The following CD300LB variants were observed in gnomAD, a reference collection of about 807,000 sequenced individuals.
CD300LB encodes CMRF35-like molecule 7.
CD300LB carries 18 observed loss-of-function variants against 20.8 expected under a neutral mutation model. The ratio of observed to expected loss-of-function variants is 0.87; its 90% CI spans 0.60 to 1.28. The LOEUF (loss-of-function observed/expected upper bound fraction) is 1.28. Among genes scored for constraint, CD300LB ranks in the 50% most tolerant of loss-of-function variants. The probability of loss-of-function intolerance (pLI) is 0.00; values close to 1 mark genes in which losing one functional copy is unlikely to be tolerated. For missense variants in CD300LB, 222 were observed against 251.8 expected (o/e 0.88, Z 0.80); for synonymous variants, 91 against 91.3 (o/e 1.00, Z 0.02).
At chr17:74,524,060 G>A (rs1907961381) in intron 2 of CD300LB, among the ~76,000 whole-genome samples, 1 of 152,136 alleles carries the variant, frequency 6.6e-6, no homozygotes, top group Admixed American at 6.5e-5. Context: ...CCAGAAATTG[G>A]GGTAGTCCAG....
intron 2 of CD300LB, among the ~76,000 whole-genome samples, chr17:74,525,400 AC>A (rs1207540785): frequency 1.3e-5 from 2 of 151,112 alleles, no homozygotes. Flanking sequence ...CAATACTAGG[AC>A]CCCCTGGGCA....
intron 1 of CD300LB, among the ~76,000 whole-genome samples, chr17:74,526,756 A>G (rs2143077778): frequency 6.6e-6 from 1 of 152,302 alleles, no homozygotes; most frequent in Non-Finnish European, 1.5e-5. Context: ...TATTTGCCAA[A>G]TTCCATAGTG....
intron 2 of CD300LB, 147 bp from the exon 3 acceptor site, chr17:74,523,798 TG>T: frequency 1.5e-6 from 1 of 646,944 alleles, no homozygotes; most frequent in Non-Finnish European, 2.9e-6. Flanking sequence ...CAGCCCCTCA[TG>T]CTTCTACTGA....
intron 1 of CD300LB, among the ~76,000 whole-genome samples, chr17:74,530,550 AACACACACACACAC>A (rs67278106): frequency 0.43 from 61,902 of 143,038 alleles, 14,656 homozygotes; most frequent in Middle Eastern, 0.6. Flanking sequence ...CAGGTCCCCC[AACACACACACACAC>A]ACACACACAC....
chr17:74,522,976 C>A, intron 3 of CD300LB, 76 bp from the exon 4 acceptor site: 1 of 1,416,882 alleles, frequency 7.1e-7, no homozygotes, highest in South Asian at 1.3e-5. Context: ...ACCCTGTGAG[C>A]CACCAGCCAA....
Position 74,531,370 on chromosome 17 carries a change from C to T in CD300LB, c.-20G>A. On this transcript the variant is annotated 5_prime_UTR_variant, in exon 1 of 4. Transcript: ENST00000392621. ...CCACATGGCTCTGCCTTCCCGGCTC[C>T]TCGTCCGCCTGATCTGCAACCAGTG... 1.2e-6 allele frequency: 2 copies of T among 1,612,950 alleles called. No homozygotes were observed. Among genetic ancestry groups the T allele is most frequent in the Non-Finnish European group, 8.5e-7 (1 of 1,179,464 alleles).
chr17:74,527,521 A>G (rs1908071860), intron 1 of CD300LB, among the ~76,000 whole-genome samples: 1 of 152,226 alleles, frequency 6.6e-6, no homozygotes, highest in African/African-American at 2.4e-5. Flanking sequence ...AATGTCCCCC[A>G]TAGCTGTTGG....
intron 1 of CD300LB, among the ~76,000 whole-genome samples, chr17:74,527,231 G>A (rs550679430): frequency 1.1e-4 from 16 of 152,334 alleles, no homozygotes; most frequent in Admixed American, 5.2e-4. Flanking sequence ...CCGTGCCTCC[G>A]CTGATTGACT....
chr17:74,527,571 T>C (rs980435747), intron 1 of CD300LB, among the ~76,000 whole-genome samples: 3 of 152,260 alleles, frequency 2.0e-5, no homozygotes, highest in Admixed American at 1.3e-4. Flanking sequence ...TCCCCTGACA[T>C]GGCCAGAGGG....
intron 1 of CD300LB, among the ~76,000 whole-genome samples, chr17:74,527,267 T>C (rs926743867): frequency 2.6e-5 from 4 of 152,020 alleles, no homozygotes; most frequent in Non-Finnish European, 4.4e-5. Context: ...GTAGATAGGC[T>C]CTTTCCTTGG....
chr17:74,528,428 T>C (rs757048519), intron 1 of CD300LB, among the ~76,000 whole-genome samples: 1 of 152,132 alleles, frequency 6.6e-6, no homozygotes, highest in Non-Finnish European at 1.5e-5. Flanking sequence ...TTCTAAGCCA[T>C]AGAGTTCATG....
chr17:74,531,454 C>T lies in CD300LB; in HGVS notation c.-104G>A, dbSNP rs1376426140. ...CTGCCTGAGCTCTGGCTTGCACCTT[C>T]TGCACATCTAGACCGCCTTTGACTT... On this transcript the variant is annotated 5_prime_UTR_variant, in exon 1 of 4. Coordinates refer to ENST00000392621, the MANE Select transcript of CD300LB (RefSeq NM_174892.4). 6.3e-7 allele frequency: 1 copy of T among 1,593,378 alleles called. No homozygotes were observed. The highest frequency in any genetic ancestry group is 1.4e-5 in the African/African-American group (1 of 73,722).
intron 1 of CD300LB, among the ~76,000 whole-genome samples, chr17:74,529,389 G>A (rs1254220601): frequency 6.6e-6 from 1 of 152,080 alleles, no homozygotes; most frequent in Non-Finnish European, 1.5e-5. Context: ...CCCCCAAGAT[G>A]TCCTGCACAC....
In CD300LB at chr17:74,521,892, A is replaced by G; in HGVS notation, c.*846T>C. Reference sequence around the variant, plus strand: ...CAGTTTTCATTAGTAACATGATTTCAACATCACCGAAAAGGGAGGGTGCCA... The same window carrying G: ...CAGTTTTCATTAGTAACATGATTTCGACATCACCGAAAAGGGAGGGTGCCA... On this transcript the variant is annotated 3_prime_UTR_variant, in exon 4 of 4. Transcript: ENST00000392621. The G allele has an allele frequency of 3.0e-6, 3 of 985,434 alleles. No individual in the cohort carries two copies. The highest frequency in any genetic ancestry group is 3.6e-6 in the Non-Finnish European group (3 of 829,926). 61.0% of individuals were successfully genotyped at this position (985,434 alleles called of 1,614,324 possible).
chr17:74,523,051 A>G (rs1567998321), intron 3 of CD300LB, 151 bp from the exon 4 acceptor site: 1 of 692,808 alleles, frequency 1.4e-6, no homozygotes, highest in Admixed American at 2.9e-5. Context: ...CCTTGGTTCA[A>G]CCTCAAGGGG....
intron 1 of CD300LB, among the ~76,000 whole-genome samples, chr17:74,526,712 TAGAAAA>T (rs1226560458): frequency 3.3e-5 from 5 of 152,088 alleles, no homozygotes; most frequent in Admixed American, 6.5e-5. Flanking sequence ...GACTCTTGTC[TAGAAAA>T]AGAAAAAGAA....
chr17:74,529,424 C>A (rs1908132788), intron 1 of CD300LB, among the ~76,000 whole-genome samples: 2 of 152,178 alleles, frequency 1.3e-5, no homozygotes, highest in Non-Finnish European at 2.9e-5. Context: ...GCTTTCCTCT[C>A]CATACTGCTG....
intron 1 of CD300LB, among the ~76,000 whole-genome samples, chr17:74,528,284 G>A (rs912738784): frequency 5.3e-5 from 8 of 151,976 alleles, no homozygotes; most frequent in African/African-American, 1.5e-4. Context: ...CCACAAAACC[G>A]GATCCTGGTG....
chr17:74,530,813 A>T (rs990764162), intron 1 of CD300LB, among the ~76,000 whole-genome samples: 6 of 149,650 alleles, frequency 4.0e-5, no homozygotes, highest in East Asian at 2.0e-4. Context: ...TTTTTACTTT[A>T]TTTTTTTTTT....
Sources: gnomAD v4.1 joint callset for allele counts (sites outside exome capture counted in the v4.1 genomes callset) on GRCh38, gnomAD v4.1.1 for gene constraint, MANE v1.5 for transcripts, NCBI Gene and HGNC (gene_info 2026-07-23, HGNC 2026-07-21) for gene names.